The following MECR variants were observed in gnomAD, a reference collection of about 807,000 sequenced individuals.
The protein encoded by MECR is enoyl-[acyl-carrier-protein] reductase, mitochondrial.
MECR carries 37 observed loss-of-function variants against 49.1 expected under a neutral mutation model. The observed-to-expected ratio is 0.75, with a 90% CI of 0.58 to 0.99. The LOEUF (loss-of-function observed/expected upper bound fraction) is 0.99. Among genes scored for constraint, MECR ranks in the 50% least tolerant of loss-of-function variants. The pLI, the probability that MECR is intolerant of heterozygous loss-of-function variation, is 0.00. For synonymous variants in MECR, 198 were observed against 191.1 expected, an observed-to-expected ratio of 1.04 and a Z score of -0.30; for missense variants, 470 against 479.6, an observed-to-expected ratio of 0.98 and a Z score of 0.19.
chr1:29,200,594 A>G lies in MECR; in HGVS notation c.757-5T>C, dbSNP rs1223203951. The G allele has an allele frequency of 6.2e-7, 1 of 1,613,514 alleles. No homozygotes were observed. The highest frequency in any genetic ancestry group is 1.7e-5 in the Admixed American group (1 of 60,006). ...AAGCCGTGGCTGGGGCATGTCCTGG[A>G]AAACAACAAAAGTGCAGTGAGGGAG... On this transcript the variant is annotated splice_polypyrimidine_tract_variant and splice_region_variant and intron_variant, in intron 6 of 9. Transcript: ENST00000263702.
downstream of MECR, among the ~76,000 whole-genome samples, chr1:29,192,013 A>G (rs762668077): frequency 2.0e-5 from 3 of 151,656 alleles, no homozygotes; most frequent in South Asian, 2.1e-4. Context: ...AATCGCTTGA[A>G]CCCAGGAGGT....
the MECR span, chr1:29,173,130 C>CTTTTTTTTT: frequency 8.9e-5 from 7 of 78,562 alleles, no homozygotes; most frequent in African/African-American, 1.5e-4. Context: ...GTCAAAAAGG[C>CTTTTTTTTT]TTTTTTTTTT....
At chr1:29,226,611 T>C (rs1682126428) in intron 1 of MECR, among the ~76,000 whole-genome samples, 1 of 152,176 alleles carries the variant, frequency 6.6e-6, no homozygotes, top group African/African-American at 2.4e-5. Context: ...GAAGAAATCA[T>C]TTGAGGTGAC....
chr1:29,220,868 A>G (rs555926522), intron 1 of MECR: 1 of 977,306 alleles, frequency 1.0e-6, no homozygotes, highest in Non-Finnish European at 1.2e-6. Flanking sequence ...GACAGCTGTT[A>G]TCAGTTGTAG....
chr1:29,229,937 TAGG>T (rs1302115732), intron 1 of MECR, among the ~76,000 whole-genome samples: 1 of 152,204 alleles, frequency 6.6e-6, no homozygotes. Context: ...AACAGAATTT[TAGG>T]AGGAGGACAA....
chr1:29,199,512 C>A (rs184254678), intron 7 of MECR, among the ~76,000 whole-genome samples: 96 of 152,312 alleles, frequency 6.3e-4, no homozygotes, highest in African/African-American at 2.1e-3. Flanking sequence ...TAGGCTTGAG[C>A]CACTGCGCCC....
Position 29,207,693 on chromosome 1 carries a change from T to C in MECR, c.407-788A>G, listed in dbSNP as rs373857061. On this transcript the variant is annotated intron_variant, in intron 3 of 9. Coordinates refer to ENST00000263702, the MANE Select transcript of MECR (RefSeq NM_016011.5). ...AATTTAAGGACACAGTGAGCTATGA[T>C]TGTGTGACTGCACTCCAGCCTCGGT... is the stretch of plus-strand genomic sequence containing the variant. 7.2e-5 allele frequency among the ~76,000 whole-genome samples: 11 copies of C among 152,000 alleles called. No individual in the cohort carries two copies. The East Asian group carries it at 9.6e-4, about 13-fold the overall frequency.
At chr1:29,205,570 G>A (rs761902772) in intron 4 of MECR, among the ~76,000 whole-genome samples, 21 of 151,430 alleles carry the variant, frequency 1.4e-4, no homozygotes, top group Non-Finnish European at 2.5e-4. Flanking sequence ...GGTGGCTCGC[G>A]CCTGTAATCC....
rs183976024 is a variant in MECR at position 29,213,221 on chromosome 1, C to T, written c.406+2784G>A. 1.1e-4 allele frequency among the ~76,000 whole-genome samples: 16 copies of T among 152,372 alleles called. No homozygotes were observed. The East Asian group carries it at 2.9e-3, about 28-fold the overall frequency. On this transcript the variant is annotated intron_variant, in intron 3 of 9. Coordinates refer to ENST00000263702, the MANE Select transcript of MECR (RefSeq NM_016011.5). ...TCTGCTCACCTTGATAGGACCTTCA[C>T]TTAGCACGGGGGCTGGCCCGAAGCA...
intron 1 of MECR, among the ~76,000 whole-genome samples, chr1:29,217,996 T>C (rs1452138591): frequency 6.6e-6 from 1 of 152,206 alleles, no homozygotes; most frequent in East Asian, 1.9e-4. Flanking sequence ...GGCAAGTTTC[T>C]TCTCTGCTCT....
At chr1:29,216,215 T>A in intron 2 of MECR, 79 bp from the exon 3 acceptor site, 3 of 1,553,678 alleles carry the variant, frequency 1.9e-6, no homozygotes. Context: ...CACGCCATCC[T>A]AGGCCTGATC....
chr1:29,199,226 A>G (rs1674732354), intron 7 of MECR, among the ~76,000 whole-genome samples: 2 of 151,948 alleles, frequency 1.3e-5, no homozygotes, highest in Admixed American at 1.3e-4. Flanking sequence ...TAGCTCAAGA[A>G]GCTTTTATTT....
intron 3 of MECR, 146 bp downstream of exon 3, chr1:29,215,859 A>G: frequency 2.9e-6 from 3 of 1,029,000 alleles, no homozygotes; most frequent in Non-Finnish European, 4.0e-6. Flanking sequence ...CAATAAGAGC[A>G]AAACTCCGTC....
intron 7 of MECR, among the ~76,000 whole-genome samples, chr1:29,196,931 G>A (rs1330141849): frequency 6.6e-6 from 1 of 152,132 alleles, no homozygotes; most frequent in African/African-American, 2.4e-5. Context: ...CTTGAGCCTG[G>A]GAGGTTGAGG....
chr1:29,181,240 G>A, the MECR span, among the ~76,000 whole-genome samples: 1 of 152,234 alleles, frequency 6.6e-6, no homozygotes, highest in Non-Finnish European at 1.5e-5. Flanking sequence ...AAAGGGAGCA[G>A]GAAATCCTGT....
chr1:29,167,777 C>T, the MECR span, among the ~76,000 whole-genome samples: 1 of 152,210 alleles, frequency 6.6e-6, no homozygotes, highest in African/African-American at 2.4e-5. Flanking sequence ...AGGCTAATAT[C>T]TGTTGGCTAT....
At chr1:29,200,713 C>T (rs1467181411) in intron 6 of MECR, 124 bp from the exon 7 acceptor site, 8 of 731,380 alleles carry the variant, frequency 1.1e-5, no homozygotes, top group South Asian at 3.4e-5. Flanking sequence ...TTTGCGTGCA[C>T]GTACTTATGT....
chr1:29,215,899 A>C, intron 3 of MECR, 106 bp downstream of exon 3: 1 of 1,322,588 alleles, frequency 7.6e-7, no homozygotes, highest in Non-Finnish European at 1.0e-6. Flanking sequence ...AAAAAAAATA[A>C]ACCCTGCATT....
the MECR span, among the ~76,000 whole-genome samples, chr1:29,176,124 C>T: frequency 3.3e-5 from 5 of 152,038 alleles, no homozygotes; most frequent in Non-Finnish European, 7.3e-5. Flanking sequence ...TGGTGGCACG[C>T]GCCTGTAGTC....
Sources: gnomAD v4.1 joint callset for allele counts (sites outside exome capture counted in the v4.1 genomes callset) on GRCh38, gnomAD v4.1.1 for gene constraint, MANE v1.5 for transcripts, NCBI Gene and HGNC (gene_info 2026-07-23, HGNC 2026-07-21) for gene names.